TMEM71: variants seen among roughly 807,000 people sequenced by gnomAD.
TMEM71 encodes transmembrane protein 71.
In TMEM71, 44 loss-of-function variants were observed where a neutral mutation model predicts 38.0. That is an observed-to-expected ratio of 1.16 (90% CI 0.91 to 1.49). The LOEUF (loss-of-function observed/expected upper bound fraction) is 1.49, where lower values mean the gene tolerates loss of function less well. Among genes scored for constraint, TMEM71 ranks in the 40% most tolerant of loss-of-function variants. The pLI is 0.00. For synonymous variants in TMEM71, 133 were observed against 122.5 expected (o/e 1.09, Z -0.56); for missense variants, 367 against 348.6 (o/e 1.05, Z -0.42).
Position 132,719,218 on chromosome 8 carries a change from C to A in TMEM71, c.752+2822G>T, listed in dbSNP as rs548729313. On this transcript the variant is annotated intron_variant, in intron 7 of 9. Coordinates refer to ENST00000677595, the MANE Select transcript of TMEM71 (RefSeq NM_001382403.1). Reference sequence around the variant, plus strand: ...TCGGAATTAATCACTATTCTTACATCTATAATAATTGATTTGTCTTGCCTT... The same window carrying A: ...TCGGAATTAATCACTATTCTTACATATATAATAATTGATTTGTCTTGCCTT... Among the ~76,000 whole-genome samples, 48 of 152,256 alleles carry A rather than the reference C, an allele frequency of 3.2e-4. 1 individual carries two copies. The highest frequency in any genetic ancestry group is 7.9e-4 in the African/African-American group (33 of 41,526).
intron 7 of TMEM71, among the ~76,000 whole-genome samples, chr8:132,721,383 C>G (rs1826834051): frequency 6.6e-6 from 1 of 152,172 alleles, no homozygotes; most frequent in Non-Finnish European, 1.5e-5. Context: ...CTAAATCGCA[C>G]AGTGGGAACT....
At chr8:132,765,355 C>T (rs1829351625), upstream of TMEM71, among the ~76,000 whole-genome samples, 1 of 152,184 alleles carries the variant, frequency 6.6e-6, no homozygotes, top group African/African-American at 2.4e-5. Context: ...CGGCCCAAAG[C>T]TCCAGTCCCT....
intron 1 of TMEM71, 37 bp from the exon 2 acceptor site, chr8:132,758,952 T>A: frequency 7.4e-7 from 1 of 1,352,962 alleles, no homozygotes. Flanking sequence ...GACTATATAT[T>A]AAAAATAGAA....
intron 5 of TMEM71, among the ~76,000 whole-genome samples, chr8:132,743,660 A>G (rs901920653): frequency 1.3e-5 from 2 of 152,156 alleles, no homozygotes; most frequent in African/African-American, 4.8e-5. Context: ...CATCCACTGC[A>G]AGGCCTCAGT....
At chr8:132,742,718 A>T (rs567183813) in intron 5 of TMEM71, among the ~76,000 whole-genome samples, 1 of 152,232 alleles carries the variant, frequency 6.6e-6, no homozygotes, top group Non-Finnish European at 1.5e-5. Context: ...TTAAATGAGT[A>T]TATAACATAT....
At chr8:132,744,240 A>G (rs1425560977) in intron 5 of TMEM71, among the ~76,000 whole-genome samples, 1 of 152,198 alleles carries the variant, frequency 6.6e-6, no homozygotes, top group African/African-American at 2.4e-5. Flanking sequence ...CTAGTAATAA[A>G]AATAATTATA....
the TMEM71 span, chr8:132,775,247 G>T: frequency 1.3e-5 from 4 of 315,510 alleles, no homozygotes; most frequent in South Asian, 1.5e-4. Context: ...GTCCGTCAAC[G>T]ACCGCAAAGC....
At chr8:132,722,503 G>A (rs1405506801) in intron 6 of TMEM71, among the ~76,000 whole-genome samples, 2 of 152,230 alleles carry the variant, frequency 1.3e-5, no homozygotes, top group Non-Finnish European at 2.9e-5. Flanking sequence ...TTCACAAAGA[G>A]CTTGTATACG....
intron 4 of TMEM71, among the ~76,000 whole-genome samples, chr8:132,748,923 C>A (rs544237450): frequency 6.6e-6 from 1 of 152,306 alleles, no homozygotes; most frequent in South Asian, 2.1e-4. Flanking sequence ...TCTCTGAACT[C>A]ATGTTTCACC....
upstream of TMEM71, among the ~76,000 whole-genome samples, chr8:132,764,023 A>G (rs1829333760): frequency 6.6e-6 from 1 of 152,144 alleles, no homozygotes; most frequent in Non-Finnish European, 1.5e-5. Context: ...CTGCTCTGGA[A>G]CACTGTGTCC....
intron 5 of TMEM71, among the ~76,000 whole-genome samples, chr8:132,735,582 G>A (rs1827703513): frequency 6.6e-6 from 1 of 152,192 alleles, no homozygotes; most frequent in South Asian, 2.1e-4. Context: ...GATGGAGGTA[G>A]TTTGATTTGT....
chr8:132,757,211 T>C, intron 3 of TMEM71, 23 bp downstream of exon 3: 1 of 1,589,318 alleles, frequency 6.3e-7, no homozygotes, highest in Non-Finnish European at 8.6e-7. Flanking sequence ...GATTATTTTT[T>C]TAAAAGAAGC....
At chr8:132,725,378 TGGTCTGGTACAACCTTTTAAA>T (rs983577206) in intron 6 of TMEM71, among the ~76,000 whole-genome samples, 3 of 152,176 alleles carry the variant, frequency 2.0e-5, no homozygotes, top group African/African-American at 7.2e-5. Flanking sequence ...TCACCCAGGC[TGGTCTGGTACAACCTTTTAAA>T]GAGTAACACA....
At chr8:132,740,373 A>C (rs1416540732) in intron 5 of TMEM71, among the ~76,000 whole-genome samples, 1 of 152,166 alleles carries the variant, frequency 6.6e-6, no homozygotes, top group Non-Finnish European at 1.5e-5. Context: ...TTACATTTGC[A>C]ATCCCCATCA....
At chr8:132,720,404 C>T (rs949237260) in intron 7 of TMEM71, among the ~76,000 whole-genome samples, 4 of 152,146 alleles carry the variant, frequency 2.6e-5, no homozygotes, top group Non-Finnish European at 5.9e-5. Context: ...GCGGAAAACA[C>T]GAAGTGAAAT....
At chr8:132,739,628 A>G (rs1184372611) in intron 5 of TMEM71, among the ~76,000 whole-genome samples, 1 of 152,016 alleles carries the variant, frequency 6.6e-6, no homozygotes, top group East Asian at 1.9e-4. Context: ...TGCTGTTTAT[A>G]AGCTAAATTA....
chr8:132,764,747 C>T (rs537598438), upstream of TMEM71, among the ~76,000 whole-genome samples: 5 of 152,312 alleles, frequency 3.3e-5, no homozygotes, highest in Non-Finnish European at 7.3e-5. Context: ...TAGCTGTCTG[C>T]GCTTTCCTTT....
upstream of TMEM71, among the ~76,000 whole-genome samples, chr8:132,764,213 A>T (rs1829336228): frequency 6.6e-6 from 1 of 152,162 alleles, no homozygotes; most frequent in Admixed American, 6.6e-5. Context: ...AGCTACATCA[A>T]ATCAGTATGC....
the TMEM71 span, chr8:132,775,681 T>TGGCCCCCG: frequency 1.4e-4 from 47 of 329,020 alleles, no homozygotes; most frequent in Non-Finnish European, 2.1e-4. Flanking sequence ...GCAGGCCGCC[T>TGGCCCCCG]GGCCCCCGCC....
Sources: allele counts gnomAD v4.1 joint callset (sites outside exome capture counted in the v4.1 genomes callset), GRCh38; gene constraint gnomAD v4.1.1; transcripts MANE v1.5; gene names NCBI Gene and HGNC (gene_info 2026-07-23, HGNC 2026-07-21).